Variants in AK7 observed in about 807,000 individuals in gnomAD.
AK7 encodes ATP-AMP transphosphorylase 7.
A neutral mutation model predicts 96.6 loss-of-function variants in AK7; 78 were observed. The observed-to-expected ratio is 0.81, with a 90% confidence interval of 0.67 to 0.97. The LOEUF is 0.97. Ranked by LOEUF, AK7 falls within the 50% of genes least tolerant of loss-of-function variation. The probability of loss-of-function intolerance (pLI) is 0.00; values close to 1 mark genes in which losing one functional copy is unlikely to be tolerated. For synonymous variants in AK7, 302 were observed against 317.2 expected, an observed-to-expected ratio of 0.95 and a Z score of 0.51; for missense variants, 855 against 887.9, an observed-to-expected ratio of 0.96 and a Z score of 0.47.
chr14:96,488,210 G>T (rs931669486), intron 17 of AK7, 95 bp from the exon 18 acceptor site: 16 of 1,236,718 alleles, frequency 1.3e-5, no homozygotes, highest in Non-Finnish European at 1.7e-5. Flanking sequence ...ACCAAGCTTG[G>T]CCCAGGATGA....
At chr14:96,479,075 A>AT (rs889373740) in intron 15 of AK7, among the ~76,000 whole-genome samples, 2 of 147,020 alleles carry the variant, frequency 1.4e-5, no homozygotes, top group Admixed American at 6.8e-5. Context: ...GGCCTGATTA[A>AT]TTTTTTTTTC....
At chr14:96,421,252 T>G (rs1398908736) in intron 5 of AK7, among the ~76,000 whole-genome samples, 1 of 152,236 alleles carries the variant, frequency 6.6e-6, no homozygotes, top group Non-Finnish European at 1.5e-5. Flanking sequence ...CTATCTCATT[T>G]GTTTCTTAAA....
At chr14:96,446,713 G>T in intron 8 of AK7, 106 bp downstream of exon 8, 1 of 912,280 alleles carries the variant, frequency 1.1e-6, no homozygotes, top group South Asian at 1.5e-5. Flanking sequence ...GTCCGAGGCG[G>T]GTGGATCACC....
chr14:96,485,810 T>G (rs994933287), intron 16 of AK7, among the ~76,000 whole-genome samples: 69 of 151,266 alleles, frequency 4.6e-4, no homozygotes, highest in African/African-American at 1.5e-3. Context: ...TTTTTTTTTT[T>G]TTTGAGACGG....
At chr14:96,468,940 C>T (rs1033833440) in intron 12 of AK7, among the ~76,000 whole-genome samples, 14 of 152,138 alleles carry the variant, frequency 9.2e-5, no homozygotes, top group Admixed American at 7.2e-4. Context: ...ACAGCTGAAC[C>T]CTGGCCAAAG....
At chr14:96,392,811 C>T (rs1313662780) in intron 1 of AK7, among the ~76,000 whole-genome samples, 1 of 151,930 alleles carries the variant, frequency 6.6e-6, no homozygotes, top group Non-Finnish European at 1.5e-5. Flanking sequence ...TACAGGCGCC[C>T]GACACCGCGC....
intron 14 of AK7, among the ~76,000 whole-genome samples, chr14:96,473,918 A>G (rs1170537390): frequency 6.6e-6 from 1 of 152,212 alleles, no homozygotes; most frequent in Non-Finnish European, 1.5e-5. Context: ...GTTTTATTCT[A>G]TCACATATTT....
At chr14:96,461,526 A>T (rs530624402) in intron 12 of AK7, among the ~76,000 whole-genome samples, 1 of 152,280 alleles carries the variant, frequency 6.6e-6, no homozygotes, top group South Asian at 2.1e-4. Context: ...CCATCCCCTA[A>T]GGAGAGACAA....
At chr14:96,469,096 C>T (rs1245238627) in intron 12 of AK7, among the ~76,000 whole-genome samples, 22 of 152,120 alleles carry the variant, frequency 1.4e-4, no homozygotes, top group Admixed American at 4.6e-4. Context: ...TGAGCACTTT[C>T]GTTCCGAATC....
intron 5 of AK7, among the ~76,000 whole-genome samples, chr14:96,424,726 C>T (rs1044851139): frequency 6.6e-6 from 1 of 152,216 alleles, no homozygotes; most frequent in African/African-American, 2.4e-5. Context: ...TGTCCATTAA[C>T]TTATGACCTT....
rs753684659 is a variant in AK7, at chr14:96,398,181, T to G, written c.212T>G (p.Val71Gly). 1 of 1,613,990 alleles carries G rather than the reference T, an allele frequency of 6.2e-7. No individual in the cohort carries two copies. The highest frequency in any genetic ancestry group is 8.5e-7 in the Non-Finnish European group (1 of 1,180,042). The change falls in exon 2 of 18, where the codon GTG becomes GGG. Residue 71 changes from valine to glycine, a missense_variant. Val to Gly is a moderately radical substitution (Grantham distance 109). Coordinates refer to ENST00000267584, the MANE Select transcript of AK7 (RefSeq NM_152327.5). ...ATGCTGGAAGCTTCCTCAACCAAAG[T>G]GAAGGAAGGCACATTCCAGATTGTG... ...SAMLEASSTKVKEGTFQIVGT... is the reference protein window; with the variant it reads ...SAMLEASSTKGKEGTFQIVGT...
At chr14:96,448,984 GA>G (rs34078969) in intron 8 of AK7, among the ~76,000 whole-genome samples, 37,895 of 148,696 alleles carry the variant, frequency 0.25, 4,807 homozygotes, top group Middle Eastern at 0.29. Context: ...AAATTGTGGG[GA>G]AAAAAAAAAG....
At chr14:96,436,577 C>T (rs1892646901) in intron 5 of AK7, among the ~76,000 whole-genome samples, 1 of 152,052 alleles carries the variant, frequency 6.6e-6, no homozygotes, top group African/African-American at 2.4e-5. Context: ...CCCAGGAGGC[C>T]AAGGTTGCAG....
At chr14:96,486,769 G>A in intron 16 of AK7, 129 bp from the exon 17 acceptor site, 1 of 743,820 alleles carries the variant, frequency 1.3e-6, no homozygotes, top group Non-Finnish European at 2.1e-6. Flanking sequence ...TCTGCTGATT[G>A]GAAATGCCAT....
At position 96,423,885 on chromosome 14, in the gene AK7, G is replaced by C. The variant is rs1891859955; in HGVS notation, c.609+2953G>C. ...CATTTCAGCGGCCTGTGCCTTGGGA[G>C]ACCCCGAGCCCACATAATCCGGAGA... On this transcript the variant is annotated intron_variant, in intron 5 of 17. Transcript: ENST00000267584. 4 of 944,240 alleles carry C rather than the reference G, an allele frequency of 4.2e-6. No individual in the cohort carries two copies. In the Admixed American group the frequency reaches 6.9e-5, roughly 16 times the overall value. The allele number at this position is 944,240 out of a possible 1,614,324, so 58.5% of individuals were successfully genotyped here.
In AK7 at chr14:96,465,228, G is replaced by A. The variant is rs960449625; in HGVS notation, c.1358-6250G>A. Among the ~76,000 whole-genome samples the A allele has an allele frequency of 9.9e-5, 15 of 152,268 alleles. No homozygotes were observed. The East Asian group carries it at 2.3e-3, about 23-fold the overall frequency. On this transcript the variant is annotated intron_variant, in intron 12 of 17. Transcript: ENST00000267584. Reference sequence around the variant, plus strand: ...TGTAATCCCAGCACTTTGGGAGGCCGAGGCGGGCGGATCACGAGGTCAGGA... The same window carrying A: ...TGTAATCCCAGCACTTTGGGAGGCCAAGGCGGGCGGATCACGAGGTCAGGA...
rs183745851 is a variant in AK7 at position 96,398,324 on chromosome 14, G to A, written c.294+61G>A. ...GGGAAGAGTCACCTTCCGCTCCAAC[G>A]CCTTGACAACTTGTTTTACTGTTTG... is the stretch of plus-strand genomic sequence containing the variant. On this transcript the variant is annotated intron_variant, in intron 2 of 17. Coordinates refer to ENST00000267584, the MANE Select transcript of AK7 (RefSeq NM_152327.5). The A allele has an allele frequency of 5.1e-6, 8 of 1,566,558 alleles. No individual in the cohort carries two copies. In the East Asian group the frequency reaches 6.7e-5, roughly 13 times the overall value.
chr14:96,394,567 A>C (rs1000022206), intron 1 of AK7, among the ~76,000 whole-genome samples: 1 of 152,248 alleles, frequency 6.6e-6, no homozygotes, highest in African/African-American at 2.4e-5. Context: ...AGTGGAGCAG[A>C]GGCCAGCACA....
chr14:96,398,299 G>A (rs540913912), intron 2 of AK7, 36 bp downstream of exon 2: 1 of 1,607,202 alleles, frequency 6.2e-7, no homozygotes, highest in Admixed American at 1.7e-5. Flanking sequence ...AGTAGACAGA[G>A]GGAAGAGTCA....
Sources: allele counts gnomAD v4.1 joint callset (sites outside exome capture counted in the v4.1 genomes callset), GRCh38; gene constraint gnomAD v4.1.1; transcripts MANE v1.5; gene names NCBI Gene and HGNC (gene_info 2026-07-23, HGNC 2026-07-21).